RELN: variants seen among roughly 807,000 people sequenced by gnomAD.
RELN encodes the protein reelin.
In RELN, 108 loss-of-function variants were observed where a neutral mutation model predicts 427.6. The observed-to-expected ratio is 0.25, with a 90% CI of 0.22 to 0.30. The LOEUF is 0.30. Among genes scored for constraint, RELN ranks in the 10% least tolerant of loss-of-function variants. The probability of loss-of-function intolerance (pLI) is 1.00; values close to 1 mark genes in which losing one functional copy is unlikely to be tolerated. For missense variants in RELN, 3,715 were observed against 4,302.8 expected, an observed-to-expected ratio of 0.86 and a Z score of 3.82; for synonymous variants, 1,524 against 1,513.4, an observed-to-expected ratio of 1.01 and a Z score of -0.16.
chr7:103,596,597 T>C lies in RELN; in HGVS notation c.3398A>G (p.Tyr1133Cys). ...AGCACTCTCTCCGCCTATCTGGATG[T>C]AGAACTGGACAAAGTCCACCCAAGA... is the stretch of plus-strand genomic sequence containing the variant. ...DTSWVDFVQF[Y>C]IQIGGESASC... The change falls in exon 25 of 65, where the codon TAC becomes TGC. Residue 1133 changes from tyrosine to cysteine, a missense_variant. By Grantham distance (194) the Tyr-to-Cys change is radical. Coordinates refer to ENST00000428762, the MANE Select transcript of RELN (RefSeq NM_005045.4). 1.2e-6 allele frequency: 2 copies of C among 1,614,056 alleles called. No individual in the cohort carries two copies. The highest frequency in any genetic ancestry group is 8.5e-7 in the Non-Finnish European group (1 of 1,179,936).
At chr7:103,743,031 A>C (rs1322509060) in intron 6 of RELN, among the ~76,000 whole-genome samples, 2 of 150,300 alleles carry the variant, frequency 1.3e-5, no homozygotes, top group Non-Finnish European at 2.9e-5. Context: ...GGTTACCCAC[A>C]AAGGGAAGCC....
intron 10 of RELN, among the ~76,000 whole-genome samples, chr7:103,697,257 CA>C (rs1483425466): frequency 6.6e-6 from 1 of 152,120 alleles, no homozygotes; most frequent in East Asian, 1.9e-4. Flanking sequence ...GTTAGGATTT[CA>C]ACATATGAAT....
intron 3 of RELN, among the ~76,000 whole-genome samples, chr7:103,785,034 T>C (rs1425553774): frequency 1.3e-5 from 2 of 152,140 alleles, no homozygotes; most frequent in Admixed American, 1.3e-4. Flanking sequence ...CAAACATTGT[T>C]ATAAGTAAGA....
At chr7:103,923,817 C>T (rs145487585) in intron 1 of RELN, among the ~76,000 whole-genome samples, 1 of 152,230 alleles carries the variant, frequency 6.6e-6, no homozygotes, top group Non-Finnish European at 1.5e-5. Context: ...TAGATCATCT[C>T]TAAGAGCTCT....
chr7:103,606,883 ATG>A (rs1448890979), intron 22 of RELN, among the ~76,000 whole-genome samples: 1 of 152,004 alleles, frequency 6.6e-6, no homozygotes, highest in African/African-American at 2.4e-5. Context: ...TCCTGTGTCC[ATG>A]TGTTCTCATT....
chr7:103,503,893 T>TAAAAAAA (rs71154347), intron 51 of RELN, among the ~76,000 whole-genome samples: 1 of 96,610 alleles, frequency 1.0e-5, no homozygotes, highest in Non-Finnish European at 2.2e-5. Flanking sequence ...AATGTTCTTG[T>TAAAAAAA]AAAAAAAAAA....
chr7:103,476,277 C>G (rs943423889), intron 64 of RELN, among the ~76,000 whole-genome samples: 4 of 152,088 alleles, frequency 2.6e-5, no homozygotes, highest in African/African-American at 9.7e-5. Context: ...ATCCAGCTAA[C>G]AGAGTGAAAC....
At chr7:103,744,959 C>T (rs1316301192) in intron 6 of RELN, among the ~76,000 whole-genome samples, 1 of 152,066 alleles carries the variant, frequency 6.6e-6, no homozygotes, top group Non-Finnish European at 1.5e-5. Flanking sequence ...AGAGACACAA[C>T]CAAAAAAGAT....
intron 30 of RELN, among the ~76,000 whole-genome samples, chr7:103,572,735 T>C (rs1430347699): frequency 1.3e-5 from 2 of 151,762 alleles, no homozygotes; most frequent in Non-Finnish European, 1.5e-5. Flanking sequence ...GAGACGGGGC[T>C]AACACGGTGA....
chr7:103,791,941 GA>G lies in RELN; in HGVS notation c.474-15315del, dbSNP rs969175684. On this transcript the variant is annotated intron_variant, in intron 3 of 64. Coordinates refer to ENST00000428762, the MANE Select transcript of RELN (RefSeq NM_005045.4). ...CAATTTGAACAGACATTTATCCAAA[GA>G]AAAAATACAAATGGTCAATAAACAC... Among the ~76,000 whole-genome samples the G allele has an allele frequency of 3.7e-4, 56 of 151,838 alleles. 1 individual carries two copies. The highest frequency in any genetic ancestry group is 1.3e-3 in the African/African-American group (53 of 41,400).
chr7:103,558,130 C>T, intron 36 of RELN, 81 bp from the exon 37 acceptor site: 1 of 732,904 alleles, frequency 1.4e-6, no homozygotes, highest in Non-Finnish European at 2.5e-6. Context: ...ACCTAACTTG[C>T]ATTAGCTAAG....
chr7:103,566,610 G>A lies in RELN; in HGVS notation c.4738C>T (p.Pro1580Ser). 2.5e-6 allele frequency: 4 copies of A among 1,614,122 alleles called. No homozygotes were observed. In the South Asian group the frequency reaches 4.4e-5, roughly 18 times the overall value. Reference sequence around the variant, plus strand: ...GTGAGCAGTAACTTACCATGTTGCGGTTGCCACCATCGAAATGCCGTTGCA... The same window carrying A: ...GTGAGCAGTAACTTACCATGTTGCGATTGCCACCATCGAAATGCCGTTGCA... ...TPATAFRWWQ[P>S]QHGKHSAQWA... The change falls in exon 32 of 65, where the codon CCG becomes TCG. Residue 1580 changes from proline to serine, a missense_variant. By Grantham distance (74) the Pro-to-Ser change is moderately conservative. Transcript: ENST00000428762.
chr7:103,852,555 C>A (rs559222423), intron 2 of RELN, among the ~76,000 whole-genome samples: 1 of 152,194 alleles, frequency 6.6e-6, no homozygotes, highest in African/African-American at 2.4e-5. Context: ...TTGACTATTA[C>A]TATATTGCTA....
intron 1 of RELN, among the ~76,000 whole-genome samples, chr7:103,922,900 TTAAG>T (rs923666832): frequency 2.6e-5 from 4 of 152,014 alleles, no homozygotes; most frequent in African/African-American, 4.8e-5. Flanking sequence ...AGAAAAGAAA[TTAAG>T]TAATACTCGA....
intron 1 of RELN, among the ~76,000 whole-genome samples, chr7:103,962,854 T>C (rs1278751993): frequency 2.0e-5 from 3 of 152,008 alleles, no homozygotes; most frequent in Non-Finnish European, 2.9e-5. Flanking sequence ...CTATTATGAG[T>C]TTAGCTGATA....
intron 7 of RELN, among the ~76,000 whole-genome samples, 172 bp downstream of exon 7, chr7:103,727,939 T>C (rs192339189): frequency 1.3e-5 from 2 of 152,262 alleles, no homozygotes; most frequent in East Asian, 1.9e-4. Context: ...TATTTTTACA[T>C]CCAAAAATAG....
Position 103,665,871 on chromosome 7 carries a change from C to T in RELN, c.1290-4344G>A, listed in dbSNP as rs377634790. On this transcript the variant is annotated intron_variant, in intron 11 of 64. Transcript: ENST00000428762. ...TATTGAAATGTCATATTCTATTCTC[C>T]GTGTCTCTCACTCTCTCATTAATCT... 3.4e-4 allele frequency among the ~76,000 whole-genome samples: 50 copies of T among 145,782 alleles called. 1 individual carries two copies. The highest frequency in any genetic ancestry group is 8.8e-4 in the African/African-American group (34 of 38,830).
chr7:103,891,401 T>C (rs1794845814), intron 2 of RELN, among the ~76,000 whole-genome samples: 1 of 152,152 alleles, frequency 6.6e-6, no homozygotes, highest in African/African-American at 2.4e-5. Flanking sequence ...ATGTCTCCTG[T>C]GAAGCAGGAG....
At chr7:103,767,826 A>C (rs1791462639) in intron 4 of RELN, among the ~76,000 whole-genome samples, 1 of 152,112 alleles carries the variant, frequency 6.6e-6, no homozygotes, top group Non-Finnish European at 1.5e-5. Flanking sequence ...TCTTTGCTCT[A>C]ATGTCACCTT....
Sources: allele counts gnomAD v4.1 joint callset (sites outside exome capture counted in the v4.1 genomes callset), GRCh38; gene constraint gnomAD v4.1.1; transcripts MANE v1.5; gene names NCBI Gene and HGNC (gene_info 2026-07-23, HGNC 2026-07-21).